PCLAF: variants seen among roughly 807,000 people sequenced by gnomAD.
PCLAF encodes the protein PCNA clamp associated factor, also known as PCNA-associated factor.
A neutral mutation model predicts 15.1 loss-of-function variants in PCLAF; 12 were observed. The ratio of observed to expected loss-of-function variants is 0.79; its 90% CI spans 0.51 to 1.29. The LOEUF (loss-of-function observed/expected upper bound fraction) is 1.29, where lower values mean the gene tolerates loss of function less well. Among genes scored for constraint, PCLAF ranks in the 50% most tolerant of loss-of-function variants. The pLI is 0.00. For missense variants in PCLAF, 116 were observed against 130.9 expected (o/e 0.89, Z 0.56); for synonymous variants, 33 against 47.1 (o/e 0.70, Z 1.22).
chr15:64,385,109 C>T (rs1373844406), upstream of PCLAF, among the ~76,000 whole-genome samples: 1 of 151,944 alleles, frequency 6.6e-6, no homozygotes, highest in African/African-American at 2.4e-5. Flanking sequence ...AGACTGGTCT[C>T]GAATTTCCGA....
upstream of PCLAF, among the ~76,000 whole-genome samples, chr15:64,386,036 T>C (rs1037240725): frequency 1.3e-5 from 2 of 152,136 alleles, no homozygotes; most frequent in African/African-American, 4.8e-5. Flanking sequence ...AATCTCCTCA[T>C]AGATCTGTAT....
At chr15:64,375,143 G>T (rs986877946) in intron 3 of PCLAF, among the ~76,000 whole-genome samples, 6 of 151,628 alleles carry the variant, frequency 4.0e-5, no homozygotes, top group African/African-American at 1.5e-4. Flanking sequence ...GATTTTTTTT[G>T]AGATGGAGTC....
chr15:64,384,967 A>C (rs1899905479), upstream of PCLAF, among the ~76,000 whole-genome samples: 1 of 152,020 alleles, frequency 6.6e-6, no homozygotes, highest in Non-Finnish European at 1.5e-5. Flanking sequence ...TGGTGTGATC[A>C]CAGTTTACTG....
upstream of PCLAF, among the ~76,000 whole-genome samples, chr15:64,383,459 C>T (rs1483490568): frequency 1.3e-5 from 2 of 151,772 alleles, no homozygotes; most frequent in African/African-American, 4.8e-5. Flanking sequence ...CTCCGCCTCC[C>T]GGGTTCAAGC....
rs142780378 is a variant in PCLAF, at chr15:64,369,340, A to C, written c.291-3265T>G. ...CTCACCACTGCACTCCAGCCTGAGT[A>C]ACAGAGCAAAATCCTGTCTCTTTAA... On this transcript the variant is annotated intron_variant, in intron 3 of 3. Transcript: ENST00000300035. Among the ~76,000 whole-genome samples the C allele has an allele frequency of 6.7e-4, 96 of 143,246 alleles. 3 individuals are homozygous for C. The highest frequency in any genetic ancestry group is 2.4e-3 in the African/African-American group (94 of 38,840). 94.0% of individuals were successfully genotyped at this position (143,246 alleles called of 152,430 possible).
upstream of PCLAF, among the ~76,000 whole-genome samples, chr15:64,383,147 A>G (rs1899867163): frequency 6.6e-6 from 1 of 152,224 alleles, no homozygotes; most frequent in African/African-American, 2.4e-5. Context: ...GTACTTTAAC[A>G]GAATCAACAA....
At chr15:64,367,015 C>T (rs1899062938) in intron 3 of PCLAF, among the ~76,000 whole-genome samples, 1 of 151,584 alleles carries the variant, frequency 6.6e-6, no homozygotes, top group South Asian at 2.1e-4. Flanking sequence ...CCTATAGTTT[C>T]AGCGACTCAG....
chr15:64,366,930 G>A (rs922508542), intron 3 of PCLAF, among the ~76,000 whole-genome samples: 1 of 151,656 alleles, frequency 6.6e-6, no homozygotes, highest in Non-Finnish European at 1.5e-5. Context: ...CTGAGACTGT[G>A]CCATTGCACT....
upstream of PCLAF, among the ~76,000 whole-genome samples, chr15:64,385,098 C>T (rs370366705): frequency 3.9e-5 from 6 of 152,098 alleles, no homozygotes; most frequent in East Asian, 7.7e-4. Context: ...TGATATTGCC[C>T]AGACTGGTCT....
intron 3 of PCLAF, among the ~76,000 whole-genome samples, chr15:64,367,401 G>T (rs1344426253): frequency 6.6e-6 from 1 of 151,472 alleles, no homozygotes; most frequent in African/African-American, 2.4e-5. Context: ...TACTTGGGAG[G>T]CTCAGCCAGG....
chr15:64,379,428 C>T (rs1023447161), intron 2 of PCLAF, among the ~76,000 whole-genome samples: 1 of 151,444 alleles, frequency 6.6e-6, no homozygotes, highest in Admixed American at 6.6e-5. Flanking sequence ...CTGCAGTAAG[C>T]TGTGATTGCA....
chr15:64,386,663 C>T (rs1899946493), intron 1 of PCLAF, among the ~76,000 whole-genome samples: 3 of 151,364 alleles, frequency 2.0e-5, no homozygotes, highest in Admixed American at 1.3e-4. Context: ...TGTGTGTCTC[C>T]GTGTGCGCTC....
chr15:64,386,055 A>G (rs934105636), upstream of PCLAF, among the ~76,000 whole-genome samples: 3 of 152,094 alleles, frequency 2.0e-5, no homozygotes, highest in African/African-American at 7.2e-5. Context: ...ATCTATATCT[A>G]TCTGTTATCT....
chr15:64,382,415 C>CAAA (rs112399665), upstream of PCLAF: 35 of 68,284 alleles, frequency 5.1e-4, no homozygotes, highest in African/African-American at 1.4e-3. Context: ...GATCCTGTCT[C>CAAA]AAAAAAAAAA....
intron 3 of PCLAF, among the ~76,000 whole-genome samples, chr15:64,368,978 C>G (rs759246523): frequency 6.6e-6 from 1 of 151,900 alleles, no homozygotes; most frequent in Non-Finnish European, 1.5e-5. Context: ...GAAAAAAGAA[C>G]GAGGAAGAAA....
chr15:64,369,838 C>T (rs373847411), intron 3 of PCLAF, among the ~76,000 whole-genome samples: 1 of 152,132 alleles, frequency 6.6e-6, no homozygotes, highest in East Asian at 1.9e-4. Flanking sequence ...CCATTCCAAA[C>T]ACAATGTACA....
At chr15:64,374,534 G>A (rs1187316047) in intron 3 of PCLAF, among the ~76,000 whole-genome samples, 11 of 146,292 alleles carry the variant, frequency 7.5e-5, no homozygotes, top group East Asian at 2.1e-4. Flanking sequence ...GCGAAACTCC[G>A]TCTCAAAAAA....
upstream of PCLAF, among the ~76,000 whole-genome samples, chr15:64,386,126 A>C (rs889787354): frequency 3.9e-5 from 6 of 152,136 alleles, no homozygotes; most frequent in African/African-American, 9.7e-5. Flanking sequence ...AAACAGGTAA[A>C]TGACTTTGAT....
In PCLAF at chr15:64,365,970, T is replaced by C. The variant is rs1369539707; in HGVS notation, c.*60A>G. 1.5e-6 allele frequency: 2 copies of C among 1,368,746 alleles called. No homozygotes were observed. Among genetic ancestry groups the C allele is most frequent in the African/African-American group, 2.9e-5 (2 of 69,644 alleles). 84.8% of individuals were successfully genotyped at this position (1,368,746 alleles called of 1,614,324 possible). On this transcript the variant is annotated 3_prime_UTR_variant, in exon 4 of 4. Coordinates refer to ENST00000300035, the MANE Select transcript of PCLAF (RefSeq NM_014736.6). Reference sequence around the variant, plus strand: ...TTGGAACAAACACATTTATGTAAATTTACATTCTAGAATACCAGGGTAAAC... The same window carrying C: ...TTGGAACAAACACATTTATGTAAATCTACATTCTAGAATACCAGGGTAAAC...
Sources: gnomAD v4.1 joint callset for allele counts (sites outside exome capture counted in the v4.1 genomes callset) on GRCh38, gnomAD v4.1.1 for gene constraint, MANE v1.5 for transcripts, NCBI Gene and HGNC (gene_info 2026-07-23, HGNC 2026-07-21) for gene names.